The following TFEC variants were observed in gnomAD, a reference collection of about 807,000 sequenced individuals.
TFEC encodes the protein class E basic helix-loop-helix protein 34.
TFEC carries 31 observed loss-of-function variants against 41.6 expected under a neutral mutation model. That is an observed-to-expected ratio of 0.74 (90% CI 0.56 to 1.01). The LOEUF (loss-of-function observed/expected upper bound fraction) is 1.01, where lower values mean the gene tolerates loss of function less well. Ranked by LOEUF, TFEC falls within the 50% of genes least tolerant of loss-of-function variation. The pLI is 0.00. For missense variants in TFEC, 402 were observed against 404.1 expected (o/e 0.99, Z 0.04); for synonymous variants, 143 against 140.6 (o/e 1.02, Z -0.12).
In TFEC at chr7:116,128,084, C is replaced by G. The variant is rs544760744; in HGVS notation, c.-68-16046G>C. Among the ~76,000 whole-genome samples the G allele has an allele frequency of 2.6e-5, 4 of 152,282 alleles. No individual in the cohort carries two copies. In the East Asian group the frequency reaches 7.7e-4, roughly 29 times the overall value. On this transcript the variant is annotated intron_variant, in intron 1 of 8. Transcript: ENST00000484212. ...CTTTTCTATTGCACAAACTAACATGCTCTCATGTAAAATGCAAAATAGTCA... is the reference window on the plus strand; with the variant it reads ...CTTTTCTATTGCACAAACTAACATGGTCTCATGTAAAATGCAAAATAGTCA...
intron 3 of TFEC, among the ~76,000 whole-genome samples, chr7:116,080,640 C>CAGTGT (rs1165645939): frequency 2.0e-5 from 3 of 151,844 alleles, no homozygotes; most frequent in Non-Finnish European, 4.4e-5. Context: ...AACCACAATG[C>CAGTGT]AGTGCCACAT....
intron 1 of TFEC, among the ~76,000 whole-genome samples, chr7:116,010,506 T>C (rs1056312075): frequency 2.0e-5 from 3 of 152,164 alleles, no homozygotes; most frequent in Non-Finnish European, 2.9e-5. Flanking sequence ...GTTTTAAACA[T>C]ATTGAATTTT....
intron 4 of TFEC, among the ~76,000 whole-genome samples, chr7:115,955,646 ATGAGATTATAAATGTTTATTACTT>A (rs1792183274): frequency 6.6e-6 from 1 of 152,074 alleles, no homozygotes; most frequent in East Asian, 1.9e-4. Flanking sequence ...CAAAGACTGA[ATGAGATTATAAATGTTTATTACTT>A]TGAGATTATA....
At chr7:116,141,185 G>A (rs1241316585) in intron 1 of TFEC, among the ~76,000 whole-genome samples, 5 of 152,092 alleles carry the variant, frequency 3.3e-5, no homozygotes, top group Non-Finnish European at 5.9e-5. Flanking sequence ...GCAGGATATA[G>A]CCAGTAAAAG....
intron 3 of TFEC, among the ~76,000 whole-genome samples, chr7:116,047,062 G>A (rs961790307): frequency 1.1e-4 from 16 of 152,124 alleles, no homozygotes; most frequent in African/African-American, 2.2e-4. Context: ...CAAGATGGCC[G>A]AATAGGAACA....
intron 1 of TFEC, among the ~76,000 whole-genome samples, chr7:116,021,921 G>T (rs997328519): frequency 6.6e-6 from 1 of 152,158 alleles, no homozygotes; most frequent in Non-Finnish European, 1.5e-5. Flanking sequence ...AACAAGTCAA[G>T]AAAGTTGTGA....
intron 6 of TFEC, among the ~76,000 whole-genome samples, chr7:115,947,372 A>G (rs1414952450): frequency 6.6e-6 from 1 of 151,230 alleles, no homozygotes. Context: ...TAATGCTGCA[A>G]TAAACATACG....
Position 116,001,244 on chromosome 7 carries a change from G to A in TFEC, c.-72-16731C>T, listed in dbSNP as rs763217852. On this transcript the variant is annotated intron_variant, in intron 1 of 7. Transcript: ENST00000265440. ...ATGATGCTGGGAAAATTAGACATTC[G>A]TATACAGAAAAACAAATGACAATAT... Among the ~76,000 whole-genome samples, 4 of 152,012 alleles carry A rather than the reference G, an allele frequency of 2.6e-5. No homozygotes were observed. The South Asian group carries it at 6.2e-4, about 24-fold the overall frequency.
intron 1 of TFEC, among the ~76,000 whole-genome samples, chr7:115,989,024 T>A (rs1793984054): frequency 6.6e-6 from 1 of 151,972 alleles, no homozygotes; most frequent in African/African-American, 2.4e-5. Flanking sequence ...CCTTAAAAGG[T>A]AAAGGAGAAA....
At chr7:116,018,940 G>A (rs1406898634) in intron 1 of TFEC, among the ~76,000 whole-genome samples, 1 of 152,180 alleles carries the variant, frequency 6.6e-6, no homozygotes, top group African/African-American at 2.4e-5. Flanking sequence ...ACTGGTCATG[G>A]ATGGTTAGGT....
At chr7:115,965,399 T>C (rs1479738435) in intron 3 of TFEC, among the ~76,000 whole-genome samples, 1 of 151,742 alleles carries the variant, frequency 6.6e-6, no homozygotes, top group Non-Finnish European at 1.5e-5. Flanking sequence ...CTGTTTACCA[T>C]ATATCCTTAT....
intron 1 of TFEC, among the ~76,000 whole-genome samples, chr7:116,145,273 A>C (rs891136953): frequency 1.3e-5 from 2 of 152,130 alleles, no homozygotes; most frequent in African/African-American, 4.8e-5. Context: ...ATTCATGCTC[A>C]TGAGAGAGTA....
At chr7:115,963,055 T>C (rs916710929) in intron 3 of TFEC, among the ~76,000 whole-genome samples, 10 of 150,206 alleles carry the variant, frequency 6.7e-5, no homozygotes, top group Admixed American at 2.0e-4. Flanking sequence ...CCTGTGTCCA[T>C]GTGATCTCAT....
intron 3 of TFEC, among the ~76,000 whole-genome samples, chr7:116,062,991 C>A (rs1478489882): frequency 6.6e-6 from 1 of 152,062 alleles, no homozygotes; most frequent in Non-Finnish European, 1.5e-5. Context: ...AATATTTAGA[C>A]ACAAATATTT....
intron 1 of TFEC, among the ~76,000 whole-genome samples, chr7:116,005,357 A>C (rs1023280391): frequency 2.6e-5 from 4 of 152,188 alleles, no homozygotes; most frequent in Non-Finnish European, 5.9e-5. Context: ...CCTGAGAATG[A>C]TATGAACAAT....
chr7:116,013,023 T>C (rs1349290827), intron 1 of TFEC, among the ~76,000 whole-genome samples: 1 of 152,070 alleles, frequency 6.6e-6, no homozygotes, highest in African/African-American at 2.4e-5. Flanking sequence ...TGGGGCATTT[T>C]AGGTAGTTAA....
intron 1 of TFEC, among the ~76,000 whole-genome samples, chr7:116,138,054 A>G (rs1443842522): frequency 2.6e-5 from 4 of 152,152 alleles, no homozygotes; most frequent in African/African-American, 7.2e-5. Flanking sequence ...CTCAGGTTAT[A>G]TACCTAGCCA....
intron 2 of TFEC, among the ~76,000 whole-genome samples, chr7:115,975,296 T>C (rs1793330517): frequency 6.6e-6 from 1 of 152,158 alleles, no homozygotes. Context: ...AATTTTTAAA[T>C]GTGATATAAA....
chr7:116,114,748 A>G (rs774184944), intron 1 of TFEC, among the ~76,000 whole-genome samples: 2 of 152,022 alleles, frequency 1.3e-5, no homozygotes, highest in Non-Finnish European at 2.9e-5. Flanking sequence ...GAAATGCAAG[A>G]GCGGTAAAAA....
Sources: gnomAD v4.1 joint callset for allele counts (sites outside exome capture counted in the v4.1 genomes callset) on GRCh38, gnomAD v4.1.1 for gene constraint, MANE v1.5 for transcripts, NCBI Gene and HGNC (gene_info 2026-07-23, HGNC 2026-07-21) for gene names.